PARP1: variants seen among roughly 807,000 people sequenced by gnomAD.
The protein encoded by PARP1 is poly(ADP-ribose) polymerase 1.
In PARP1, 44 loss-of-function variants were observed where a neutral mutation model predicts 118.7. That is an observed-to-expected ratio of 0.37 (90% CI 0.29 to 0.48). The LOEUF (loss-of-function observed/expected upper bound fraction) is 0.48, where lower values mean the gene tolerates loss of function less well. Ranked by LOEUF, PARP1 falls within the 20% of genes least tolerant of loss-of-function variation. The pLI, the probability that PARP1 is intolerant of heterozygous loss-of-function variation, is 0.99. For synonymous variants in PARP1, 492 were observed against 483.2 expected (o/e 1.02, Z -0.24); for missense variants, 1,100 against 1,272.4 (o/e 0.86, Z 2.06).
intron 12 of PARP1, 112 bp from the exon 13 acceptor site, chr1:226,377,415 A>G: frequency 1.3e-6 from 1 of 790,760 alleles, no homozygotes. Flanking sequence ...ACACACCCCA[A>G]AAGGATGGTG....
At chr1:226,392,549 T>C in intron 2 of PARP1, 1 of 570,584 alleles carries the variant, frequency 1.8e-6, no homozygotes, top group Non-Finnish European at 3.1e-6. Flanking sequence ...GAGCAGCATA[T>C]CAGGGGGTGG....
chr1:226,363,731 T>C (rs188391197), intron 20 of PARP1, among the ~76,000 whole-genome samples: 5 of 152,350 alleles, frequency 3.3e-5, no homozygotes, highest in Non-Finnish European at 5.9e-5. Context: ...CTGGCTGCGT[T>C]CCTGCCCTTG....
intron 1 of PARP1, among the ~76,000 whole-genome samples, chr1:226,406,482 C>G (rs992869963): frequency 6.6e-6 from 1 of 152,228 alleles, no homozygotes; most frequent in African/African-American, 2.4e-5. Flanking sequence ...TGCTCCACTT[C>G]TGTGAATTAA....
intron 6 of PARP1, 78 bp downstream of exon 6, chr1:226,386,248 C>G: frequency 1.2e-6 from 1 of 866,260 alleles, no homozygotes; most frequent in South Asian, 1.3e-5. Context: ...GGGCCTCCCA[C>G]ACTCCATTGG....
chr1:226,379,023 T>G, intron 12 of PARP1, 119 bp downstream of exon 12: 1 of 1,216,194 alleles, frequency 8.2e-7, no homozygotes, highest in Non-Finnish European at 1.2e-6. Flanking sequence ...ATCTCTGTGA[T>G]TAGATTTCAT....
intron 22 of PARP1, 147 bp from the exon 23 acceptor site, chr1:226,361,688 C>A: frequency 1.4e-6 from 1 of 713,630 alleles, no homozygotes; most frequent in Non-Finnish European, 2.6e-6. Flanking sequence ...CTCATCTCCC[C>A]GGGGCTGGCA....
intron 21 of PARP1, 93 bp downstream of exon 21, chr1:226,363,006 G>T: frequency 1.2e-6 from 1 of 857,010 alleles, no homozygotes. Flanking sequence ...TTGACAGCCA[G>T]CCACAAGGCA....
At chr1:226,395,686 C>T (rs1178302142) in intron 2 of PARP1, among the ~76,000 whole-genome samples, 1 of 152,152 alleles carries the variant, frequency 6.6e-6, no homozygotes, top group Non-Finnish European at 1.5e-5. Context: ...TAAATTTCCA[C>T]AGACATACAA....
At chr1:226,375,679 T>C (rs778785255) in intron 13 of PARP1, among the ~76,000 whole-genome samples, 3 of 152,212 alleles carry the variant, frequency 2.0e-5, no homozygotes, top group Admixed American at 6.5e-5. Context: ...TTAGAATATT[T>C]TGGATATACG....
Position 226,393,071 on chromosome 1 carries a change from T to C in PARP1, c.287-757A>G, listed in dbSNP as rs148112824. 1.4e-3 allele frequency: 1,716 copies of C among 1,216,630 alleles called. 22 individuals are homozygous for C. The African/African-American group carries it at 0.024, about 17-fold the overall frequency. 75.4% of individuals were successfully genotyped at this position (1,216,630 alleles called of 1,614,324 possible). A position where few individuals can be genotyped will look rare whatever the true frequency, so the allele number is the denominator to read the frequency against. Reference sequence around the variant, plus strand: ...CCATCTCTACTTGTAGATGATTCTATTTGATATTCCTAAGAGATATCTTAA... The same window carrying C: ...CCATCTCTACTTGTAGATGATTCTACTTGATATTCCTAAGAGATATCTTAA... On this transcript the variant is annotated intron_variant, in intron 2 of 22. Transcript: ENST00000366794.
intron 2 of PARP1, among the ~76,000 whole-genome samples, chr1:226,398,527 T>TAAAA (rs59275599): frequency 7.2e-6 from 1 of 138,340 alleles, no homozygotes. Flanking sequence ...AAGACAGTCT[T>TAAAA]AAAAAAAAAA....
chr1:226,380,241 TTTAG>T, intron 9 of PARP1, 77 bp from the exon 10 acceptor site: 1 of 1,410,542 alleles, frequency 7.1e-7, no homozygotes, highest in Non-Finnish European at 1.0e-6. Flanking sequence ...TACAGTTATA[TTTAG>T]TGTGTACTTC....
chr1:226,397,075 A>C (rs975241728), intron 2 of PARP1, among the ~76,000 whole-genome samples: 1 of 151,516 alleles, frequency 6.6e-6, no homozygotes, highest in African/African-American at 2.4e-5. Flanking sequence ...GATTGTTTGA[A>C]GCCAAGAGTT....
chr1:226,382,126 G>C (rs1331189571), intron 8 of PARP1, among the ~76,000 whole-genome samples: 2 of 152,136 alleles, frequency 1.3e-5, no homozygotes, highest in Non-Finnish European at 2.9e-5. Flanking sequence ...TGAAAAGGAA[G>C]TCAATAACAG....
At position 226,361,403 on chromosome 1, in the gene PARP1, G is replaced by A; in HGVS notation, c.*57C>T. 2.6e-6 allele frequency: 3 copies of A among 1,153,606 alleles called. No homozygotes were observed. The highest frequency in any genetic ancestry group is 2.5e-5 in the South Asian group (2 of 80,540). 71.5% of individuals were successfully genotyped at this position (1,153,606 alleles called of 1,614,324 possible). On this transcript the variant is annotated 3_prime_UTR_variant, in exon 23 of 23. Coordinates refer to ENST00000366794, the MANE Select transcript of PARP1 (RefSeq NM_001618.4). ...AGCGGCCAGGTGAGTTGGTGCAGAA[G>A]CGCTTCGGGTGAATTCATACCAGAG...
At position 226,380,063 on chromosome 1, in the gene PARP1, T is replaced by C. The variant is rs1664574145; in HGVS notation, c.1402A>G (p.Ser468Gly). The change falls in exon 10 of 23, where the codon AGC becomes GGC. Residue 468 changes from serine (S) to glycine (G), a missense_variant. Around this residue, in one of 2 missense-constraint regions of PARP1, gnomAD observed 948 missense variants for 1,031.8 expected, o/e 0.92. Coordinates refer to ENST00000366794, the MANE Select transcript of PARP1 (RefSeq NM_001618.4). ...FLQDVSASTKSLQELFLAHIL... is the reference protein window; with the variant it reads ...FLQDVSASTKGLQELFLAHIL... ...TGCGCTAAGAACAACTCCTGAAGGC[T>C]CTTGGTGGAGGCGGAGACGTCCTGG... 6.2e-7 allele frequency: 1 copy of C among 1,614,068 alleles called. No individual in the cohort carries two copies. The highest frequency in any genetic ancestry group is 8.5e-7 in the Non-Finnish European group (1 of 1,180,038).
At chr1:226,370,750 A>G (rs1479434855) in intron 14 of PARP1, 4 of 588,796 alleles carry the variant, frequency 6.8e-6, no homozygotes, top group Non-Finnish European at 1.2e-5. Flanking sequence ...GGCTTAGCCA[A>G]CCATGTCTCC....
chr1:226,376,539 C>T (rs1487541468), intron 13 of PARP1, among the ~76,000 whole-genome samples: 1 of 152,182 alleles, frequency 6.6e-6, no homozygotes, highest in African/African-American at 2.4e-5. Context: ...TGAATTACGT[C>T]CTATTGTTTC....
At position 226,365,009 on chromosome 1, in the gene PARP1, G is replaced by A. The variant is rs1664229455; in HGVS notation, c.2651C>T (p.Ala884Val). Residue 884 changes from alanine to valine, a missense_variant, in exon 19 of 23, where the codon GCG becomes GTG. Ala to Val is a moderately conservative substitution (Grantham distance 64). Around this residue, in one of 2 missense-constraint regions of PARP1, gnomAD observed 152 missense variants for 240.6 expected, o/e 0.63. Coordinates refer to ENST00000366794, the MANE Select transcript of PARP1 (RefSeq NM_001618.4). ...GCCAGGCCAGGCACATACCACGGGC[G>A]CTTCAGGCGGGGCTATCCGAAGACC... Reference protein sequence around the residue: ...SQGLRIAPPEAPVTGYMFGKG... With the variant: ...SQGLRIAPPEVPVTGYMFGKG... 6.2e-7 allele frequency: 1 copy of A among 1,613,740 alleles called. No individual in the cohort carries two copies. Among genetic ancestry groups the A allele is most frequent in the Non-Finnish European group, 8.5e-7 (1 of 1,180,056 alleles).
Sources: allele counts gnomAD v4.1 joint callset (sites outside exome capture counted in the v4.1 genomes callset), GRCh38; gene constraint gnomAD v4.1.1; regional missense constraint gnomAD v4.1.1; transcripts MANE v1.5; gene names NCBI Gene and HGNC (gene_info 2026-07-23, HGNC 2026-07-21).